Variants in TXNDC16 observed in about 807,000 individuals in gnomAD.
The protein encoded by TXNDC16 is thioredoxin domain containing 16, also known as thioredoxin domain-containing protein 16.
A neutral mutation model predicts 85.6 loss-of-function variants in TXNDC16; 74 were observed. The observed-to-expected ratio is 0.86, with a 90% confidence interval of 0.72 to 1.05. The LOEUF (loss-of-function observed/expected upper bound fraction) is 1.05. TXNDC16 is among the 50% of genes least tolerant of loss of function. The probability of loss-of-function intolerance (pLI) is 0.00; values close to 1 mark genes in which losing one functional copy is unlikely to be tolerated. For synonymous variants in TXNDC16, 335 were observed against 326.5 expected (o/e 1.03, Z -0.28); for missense variants, 959 against 947.0 (o/e 1.01, Z -0.17).
At chr14:52,520,876 C>T (rs1393546455) in intron 6 of TXNDC16, among the ~76,000 whole-genome samples, 2 of 152,004 alleles carry the variant, frequency 1.3e-5, no homozygotes, top group African/African-American at 2.4e-5. Flanking sequence ...TACAGCAGTT[C>T]TCAAACTTTT....
intron 8 of TXNDC16, among the ~76,000 whole-genome samples, 198 bp downstream of exon 8, chr14:52,514,682 C>T (rs957431996): frequency 1.3e-5 from 2 of 152,012 alleles, no homozygotes; most frequent in South Asian, 2.1e-4. Context: ...AACATCACTT[C>T]GGTATATTTT....
At chr14:52,530,568 A>T (rs1237027454) in intron 6 of TXNDC16, among the ~76,000 whole-genome samples, 1 of 62,768 alleles carries the variant, frequency 1.6e-5, no homozygotes, top group Non-Finnish European at 2.9e-5. Flanking sequence ...ATTATATATA[A>T]TAATATATAA....
chr14:52,505,573 G>C (rs929148613), intron 9 of TXNDC16, among the ~76,000 whole-genome samples: 1 of 152,228 alleles, frequency 6.6e-6, no homozygotes, highest in Non-Finnish European at 1.5e-5. Context: ...GCAGTGTGTA[G>C]AGGGAAATTT....
intron 6 of TXNDC16, among the ~76,000 whole-genome samples, chr14:52,534,351 T>C (rs1270469675): frequency 6.6e-6 from 1 of 152,212 alleles, no homozygotes; most frequent in Non-Finnish European, 1.5e-5. Context: ...CAGGACAGCT[T>C]TGAATATGGC....
chr14:52,543,354 T>C (rs1594768311), intron 3 of TXNDC16, 44 bp downstream of exon 3: 2 of 1,570,870 alleles, frequency 1.3e-6, no homozygotes, highest in East Asian at 2.3e-5. Context: ...TAAATAGCAA[T>C]AAAAACATCA....
intron 14 of TXNDC16, among the ~76,000 whole-genome samples, chr14:52,471,173 A>G (rs560558330): frequency 1.1e-4 from 17 of 152,320 alleles, no homozygotes; most frequent in Non-Finnish European, 2.4e-4. Context: ...TGTGCAACTC[A>G]AAAAACAAAG....
At chr14:52,527,435 TG>T (rs1410563564) in intron 6 of TXNDC16, among the ~76,000 whole-genome samples, 1 of 149,628 alleles carries the variant, frequency 6.7e-6, no homozygotes, top group Admixed American at 6.7e-5. Flanking sequence ...AAATGATTTT[TG>T]TTTTTTTCAC....
At chr14:52,450,817 C>T (rs1326224071) in intron 18 of TXNDC16, among the ~76,000 whole-genome samples, 6 of 150,990 alleles carry the variant, frequency 4.0e-5, no homozygotes, top group East Asian at 3.9e-4. Context: ...CCAGCCCAAA[C>T]GCCCATGAAT....
At chr14:52,494,167 C>T (rs930025683) in intron 9 of TXNDC16, among the ~76,000 whole-genome samples, 3 of 151,990 alleles carry the variant, frequency 2.0e-5, no homozygotes, top group African/African-American at 7.3e-5. Context: ...ATAAAGTACT[C>T]AATAACTTGA....
chr14:52,504,299 A>C (rs1015088915), intron 9 of TXNDC16, among the ~76,000 whole-genome samples: 5 of 152,212 alleles, frequency 3.3e-5, no homozygotes, highest in African/African-American at 7.2e-5. Context: ...TGAAGGAAAA[A>C]ATGTTAAGGG....
At chr14:52,469,691 C>T (rs1474150570) in intron 16 of TXNDC16, among the ~76,000 whole-genome samples, 1 of 151,882 alleles carries the variant, frequency 6.6e-6, no homozygotes, top group Non-Finnish European at 1.5e-5. Context: ...TGCAGTGAGC[C>T]GACATCACGC....
chr14:52,524,891 C>T (rs2037291780), intron 6 of TXNDC16, among the ~76,000 whole-genome samples: 1 of 151,478 alleles, frequency 6.6e-6, no homozygotes, highest in African/African-American at 2.4e-5. Flanking sequence ...GAGGCTGAGG[C>T]GGGAGGATCA....
chr14:52,528,389 T>G, intron 6 of TXNDC16, among the ~76,000 whole-genome samples: 1 of 152,096 alleles, frequency 6.6e-6, no homozygotes, highest in Non-Finnish European at 1.5e-5. Context: ...TGTAAATATT[T>G]CTCCTTATTA....
At chr14:52,503,094 T>A (rs1379040479) in intron 9 of TXNDC16, among the ~76,000 whole-genome samples, 1 of 152,182 alleles carries the variant, frequency 6.6e-6, no homozygotes, top group African/African-American at 2.4e-5. Context: ...TCCAACTGGG[T>A]GGAGCCCACC....
chr14:52,544,899 G>T (rs1020143824), intron 1 of TXNDC16, among the ~76,000 whole-genome samples: 1 of 151,894 alleles, frequency 6.6e-6, no homozygotes, highest in Non-Finnish European at 1.5e-5. Flanking sequence ...TAATTAAGGG[G>T]TATCATTGAC....
intron 9 of TXNDC16, among the ~76,000 whole-genome samples, chr14:52,502,375 C>G (rs1305953776): frequency 6.6e-6 from 1 of 152,216 alleles, no homozygotes; most frequent in Non-Finnish European, 1.5e-5. Flanking sequence ...GTGGTTAGAG[C>G]AGGGTCACCT....
chr14:52,451,365 T>C (rs1462061993), intron 18 of TXNDC16, among the ~76,000 whole-genome samples: 1 of 151,756 alleles, frequency 6.6e-6, no homozygotes, highest in Non-Finnish European at 1.5e-5. Context: ...AGTATTACCC[T>C]GGTATAAAAA....
chr14:52,479,948 G>A (rs972820467), intron 14 of TXNDC16, among the ~76,000 whole-genome samples: 4 of 152,106 alleles, frequency 2.6e-5, no homozygotes, highest in African/African-American at 9.7e-5. Context: ...AAACAGTGTG[G>A]TACTGGCATA....
chr14:52,490,916 A>G lies in TXNDC16; in HGVS notation c.846T>C (p.Thr282=). ...PLVFIVSQQA[T]YEADRRTAEW... is the part of the protein sequence containing the mutation. Reference sequence around the variant, plus strand: ...CTGCAGTTCTTCTATCAGCTTCATAAGTAGCCTGTTGGCTAACAATAAAAA... The same window carrying G: ...CTGCAGTTCTTCTATCAGCTTCATAGGTAGCCTGTTGGCTAACAATAAAAA... The change falls in exon 10 of 21, where the codon ACT becomes ACC. Residue 282 remains threonine (T), a synonymous_variant. Transcript: ENST00000281741. 2 of 1,613,620 alleles carry G rather than the reference A, an allele frequency of 1.2e-6. No individual in the cohort carries two copies. Among genetic ancestry groups the G allele is most frequent in the South Asian group, 1.1e-5 (1 of 90,996 alleles).
Sources: allele counts gnomAD v4.1 joint callset (sites outside exome capture counted in the v4.1 genomes callset), GRCh38; gene constraint gnomAD v4.1.1; transcripts MANE v1.5; gene names NCBI Gene and HGNC (gene_info 2026-07-23, HGNC 2026-07-21).